STXBP6: variants seen among roughly 807,000 people sequenced by gnomAD.
STXBP6 encodes syntaxin binding protein 6, also known as syntaxin-binding protein 6.
A neutral mutation model predicts 26.9 loss-of-function variants in STXBP6; 21 were observed. The observed-to-expected ratio is 0.78, with a 90% CI of 0.55 to 1.12. STXBP6 has a LOEUF of 1.12. STXBP6 is among the 50% of genes most tolerant of loss of function. The pLI is 0.00. For missense variants in STXBP6, 232 were observed against 257.9 expected, an observed-to-expected ratio of 0.90 and a Z score of 0.69; for synonymous variants, 97 against 92.6, an observed-to-expected ratio of 1.05 and a Z score of -0.27.
At chr14:24,814,688 A>G (rs935282760) in intron 5 of STXBP6, among the ~76,000 whole-genome samples, 5 of 152,188 alleles carry the variant, frequency 3.3e-5, no homozygotes, top group Non-Finnish European at 5.9e-5. Context: ...GTTTCCCCAG[A>G]ATTCTTATGT....
chr14:24,906,237 A>G (rs2071381988), intron 2 of STXBP6, among the ~76,000 whole-genome samples: 1 of 152,288 alleles, frequency 6.6e-6, no homozygotes, highest in East Asian at 1.9e-4. Context: ...TTACTTTTCA[A>G]TTTACATATA....
At chr14:24,918,452 C>CACA (rs2071850748) in intron 2 of STXBP6, among the ~76,000 whole-genome samples, 2 of 133,398 alleles carry the variant, frequency 1.5e-5, no homozygotes, top group Admixed American at 1.5e-4. Flanking sequence ...CACACCCCCA[C>CACA]CACACACACA....
chr14:24,973,323 G>A lies in STXBP6; in HGVS notation c.154+1342C>T, dbSNP rs940988047. On this transcript the variant is annotated intron_variant, in intron 2 of 5. Transcript: ENST00000323944. ...ACCTAATCCTTATTTGGAATAAACA[G>A]AAACCAATGTTTCAAGGTCAATTCT... 6.0e-5 allele frequency among the ~76,000 whole-genome samples: 9 copies of A among 148,870 alleles called. No homozygotes were observed. The East Asian group carries it at 1.8e-3, about 30-fold the overall frequency.
chr14:24,940,624 ATGCAAAC>A lies in STXBP6; in HGVS notation c.154+34034_154+34040del, dbSNP rs2072768030. ...ATGTGTCAGAGACCTGTTGACCTGG[ATGCAAAC>A]CTTTTCCAAAATCAATCATCTTCCT... On this transcript the variant is annotated intron_variant, in intron 2 of 5. Transcript: ENST00000323944. Among the ~76,000 whole-genome samples, 7 of 152,108 alleles carry A rather than the reference ATGCAAAC, an allele frequency of 4.6e-5. 2 individuals are homozygous for A. Among genetic ancestry groups the A allele is most frequent in the Admixed American group, 3.9e-4 (6 of 15,270 alleles).
chr14:24,840,074 G>GTAC (rs756664617), intron 4 of STXBP6, among the ~76,000 whole-genome samples: 9 of 152,268 alleles, frequency 5.9e-5, no homozygotes, highest in South Asian at 2.1e-4. Context: ...CCTCCCCACA[G>GTAC]TACTGTATGG....
At chr14:24,879,501 T>C (rs2070275615) in intron 2 of STXBP6, among the ~76,000 whole-genome samples, 1 of 152,160 alleles carries the variant, frequency 6.6e-6, no homozygotes, top group Admixed American at 6.5e-5. Context: ...TGTGGATCAA[T>C]ATTTCTTTTC....
At chr14:25,046,131 C>T (rs2075723864) in intron 1 of STXBP6, among the ~76,000 whole-genome samples, 1 of 152,118 alleles carries the variant, frequency 6.6e-6, no homozygotes, top group Admixed American at 6.5e-5. Context: ...CGTCTCACAA[C>T]AGATTTATTA....
At chr14:25,037,211 A>T (rs528573227) in intron 1 of STXBP6, among the ~76,000 whole-genome samples, 1 of 152,312 alleles carries the variant, frequency 6.6e-6, no homozygotes, top group African/African-American at 2.4e-5. Context: ...TCCTGTCTCC[A>T]CAGAGCCCCA....
chr14:24,818,998 C>A, intron 5 of STXBP6, 39 bp downstream of exon 5: 1 of 1,515,678 alleles, frequency 6.6e-7, no homozygotes. Flanking sequence ...AGCTCCCCAA[C>A]ACCCCAGAGC....
chr14:24,981,805 C>A (rs534763044), intron 1 of STXBP6, among the ~76,000 whole-genome samples: 2 of 152,182 alleles, frequency 1.3e-5, no homozygotes, highest in South Asian at 4.2e-4. Context: ...ACCTAAATAC[C>A]CATCAATCTT....
At chr14:24,898,501 A>AC (rs2071084032) in intron 2 of STXBP6, among the ~76,000 whole-genome samples, 1 of 152,128 alleles carries the variant, frequency 6.6e-6, no homozygotes, top group Non-Finnish European at 1.5e-5. Flanking sequence ...ATATGGTGGA[A>AC]CCCCATCTCT....
intron 2 of STXBP6, among the ~76,000 whole-genome samples, chr14:24,857,358 C>G (rs1269365796): frequency 3.9e-5 from 6 of 152,116 alleles, no homozygotes; most frequent in South Asian, 4.1e-4. Flanking sequence ...ACAATCTCCA[C>G]TCTGAAGCAG....
At chr14:25,034,737 C>T (rs1045257619) in intron 1 of STXBP6, among the ~76,000 whole-genome samples, 7 of 152,178 alleles carry the variant, frequency 4.6e-5, no homozygotes, top group African/African-American at 1.7e-4. Flanking sequence ...AGCACAGTGT[C>T]CAGCACACTA....
intron 1 of STXBP6, among the ~76,000 whole-genome samples, chr14:25,045,600 C>CTTTTTTTTTTTTT (rs200296496): frequency 7.4e-6 from 1 of 135,952 alleles, no homozygotes. Context: ...CTTTTTTTTT[C>CTTTTTTTTTTTTT]TTTTCTTTTT....
At chr14:25,036,170 T>C (rs987224126) in intron 1 of STXBP6, among the ~76,000 whole-genome samples, 5 of 144,258 alleles carry the variant, frequency 3.5e-5, no homozygotes, top group African/African-American at 7.8e-5. Context: ...TGAGCCGAGA[T>C]TGTGCCACTG....
chr14:24,830,121 A>C (rs1160010157), intron 4 of STXBP6, among the ~76,000 whole-genome samples: 1 of 152,122 alleles, frequency 6.6e-6, no homozygotes, highest in South Asian at 2.1e-4. Flanking sequence ...GTGTGGCCAT[A>C]GAAGGGGGAA....
intron 2 of STXBP6, among the ~76,000 whole-genome samples, chr14:24,862,193 G>T (rs2069564965): frequency 6.6e-6 from 1 of 151,958 alleles, no homozygotes; most frequent in African/African-American, 2.4e-5. Context: ...TAGAGATGGG[G>T]GTCTATGTTA....
intron 1 of STXBP6, among the ~76,000 whole-genome samples, chr14:24,999,219 A>C (rs1253318193): frequency 1.3e-5 from 2 of 152,132 alleles, no homozygotes; most frequent in Non-Finnish European, 2.9e-5. Context: ...ATAATACCCC[A>C]AAAAACCACC....
intron 1 of STXBP6, among the ~76,000 whole-genome samples, chr14:24,979,314 C>G (rs2074126526): frequency 6.6e-6 from 1 of 152,192 alleles, no homozygotes; most frequent in Non-Finnish European, 1.5e-5. Context: ...AGACATCAGT[C>G]TCATAAGCTA....
Sources: allele counts gnomAD v4.1 joint callset (sites outside exome capture counted in the v4.1 genomes callset), GRCh38; gene constraint gnomAD v4.1.1; transcripts MANE v1.5; gene names NCBI Gene and HGNC (gene_info 2026-07-23, HGNC 2026-07-21).